The following CCDC85A variants were observed in gnomAD, a reference collection of about 807,000 sequenced individuals.
CCDC85A encodes the protein coiled-coil domain containing 85A.
Under a neutral mutation model 50.2 loss-of-function variants are expected in CCDC85A, and 38 were observed. The observed-to-expected ratio is 0.76, with a 90% confidence interval of 0.58 to 0.99. The LOEUF (loss-of-function observed/expected upper bound fraction) is 0.99. CCDC85A is among the 50% of genes least tolerant of loss of function. CCDC85A has a pLI of 0.00. For missense variants in CCDC85A, 820 were observed against 742.0 expected (o/e 1.11, Z -1.22); for synonymous variants, 366 against 301.4 (o/e 1.21, Z -2.22).
At chr2:56,299,663 A>G (rs570803774) in intron 2 of CCDC85A, among the ~76,000 whole-genome samples, 9 of 152,196 alleles carry the variant, frequency 5.9e-5, no homozygotes, top group Admixed American at 4.6e-4. Context: ...GAATTACATT[A>G]GAAAGGGCTG....
At chr2:56,270,663 T>G (rs1194874573) in intron 2 of CCDC85A, among the ~76,000 whole-genome samples, 1 of 152,244 alleles carries the variant, frequency 6.6e-6, no homozygotes, top group Non-Finnish European at 1.5e-5. Context: ...TTTTTTAACT[T>G]TATTTTTAAG....
intron 2 of CCDC85A, among the ~76,000 whole-genome samples, chr2:56,256,823 G>A (rs1036969760): frequency 5.3e-5 from 8 of 152,184 alleles, no homozygotes; most frequent in African/African-American, 7.2e-5. Context: ...CTGCAGACTC[G>A]TCTGAAAAGA....
chr2:56,259,623 C>G (rs541348355), intron 2 of CCDC85A, among the ~76,000 whole-genome samples: 57 of 152,288 alleles, frequency 3.7e-4, no homozygotes, highest in African/African-American at 1.3e-3. Flanking sequence ...TTAACTTCAG[C>G]TAGTGTTTCT....
intron 3 of CCDC85A, among the ~76,000 whole-genome samples, chr2:56,369,196 A>G (rs932858730): frequency 1.3e-5 from 2 of 152,150 alleles, no homozygotes; most frequent in African/African-American, 4.8e-5. Context: ...AAAAAGTTAA[A>G]TGGTCTATTT....
chr2:56,237,864 A>C (rs1037963810), intron 2 of CCDC85A, among the ~76,000 whole-genome samples: 1 of 152,120 alleles, frequency 6.6e-6, no homozygotes, highest in African/African-American at 2.4e-5. Context: ...GAATGGTCTA[A>C]TAGGGATTGG....
At chr2:56,188,443 C>T (rs1352199775) in intron 1 of CCDC85A, among the ~76,000 whole-genome samples, 8 of 152,082 alleles carry the variant, frequency 5.3e-5, no homozygotes, top group East Asian at 1.9e-4. Flanking sequence ...TCCGTGAAGC[C>T]GAGGGTAGCA....
chr2:56,374,239 G>T (rs531584420), intron 4 of CCDC85A, among the ~76,000 whole-genome samples: 1 of 152,230 alleles, frequency 6.6e-6, no homozygotes. Context: ...GTGAGGCTGG[G>T]TGCAGGACCT....
chr2:56,190,831 T>C (rs553743484), intron 1 of CCDC85A, among the ~76,000 whole-genome samples: 1 of 152,256 alleles, frequency 6.6e-6, no homozygotes, highest in East Asian at 1.9e-4. Flanking sequence ...CCTCCCTTCT[T>C]TCCTCCCCTA....
intron 2 of CCDC85A, among the ~76,000 whole-genome samples, chr2:56,299,856 A>G (rs773634824): frequency 6.6e-6 from 1 of 152,164 alleles, no homozygotes; most frequent in Non-Finnish European, 1.5e-5. Flanking sequence ...TCTTTTTACA[A>G]CTGTATGAAA....
chr2:56,251,626 C>T (rs1337963369), intron 2 of CCDC85A, among the ~76,000 whole-genome samples: 2 of 152,108 alleles, frequency 1.3e-5, no homozygotes, highest in Admixed American at 1.3e-4. Context: ...GTCTCAGTGG[C>T]AGCTCCTTTC....
At chr2:56,358,678 A>T (rs900198530) in intron 3 of CCDC85A, among the ~76,000 whole-genome samples, 1 of 152,204 alleles carries the variant, frequency 6.6e-6, no homozygotes, top group Non-Finnish European at 1.5e-5. Context: ...TACAAAATAG[A>T]CAGTGGCCTG....
At chr2:56,291,409 A>C (rs544854041) in intron 2 of CCDC85A, among the ~76,000 whole-genome samples, 1 of 152,344 alleles carries the variant, frequency 6.6e-6, no homozygotes, top group East Asian at 1.9e-4. Flanking sequence ...TTAGTTAGTG[A>C]AAAGAGCTGG....
At chr2:56,219,924 A>G (rs1668247573) in intron 2 of CCDC85A, among the ~76,000 whole-genome samples, 1 of 152,004 alleles carries the variant, frequency 6.6e-6, no homozygotes, top group Non-Finnish European at 1.5e-5. Flanking sequence ...AACAATGACA[A>G]TACAATGTGG....
chr2:56,378,498 G>A (rs932182790), intron 5 of CCDC85A, among the ~76,000 whole-genome samples: 3 of 152,164 alleles, frequency 2.0e-5, no homozygotes, highest in African/African-American at 4.8e-5. Flanking sequence ...CAAGGAAGGA[G>A]CTCTTTATGT....
intron 2 of CCDC85A, among the ~76,000 whole-genome samples, chr2:56,252,269 A>T (rs1573104431): frequency 6.6e-6 from 1 of 152,002 alleles, no homozygotes; most frequent in Admixed American, 6.6e-5. Flanking sequence ...GCTGGTATCG[A>T]ATACCTGACC....
At chr2:56,320,338 A>C (rs547570503) in intron 2 of CCDC85A, among the ~76,000 whole-genome samples, 7 of 152,310 alleles carry the variant, frequency 4.6e-5, no homozygotes, top group Admixed American at 4.6e-4. Context: ...CAAAAAAATC[A>C]ATGAATCCAG....
At chr2:56,201,022 A>G (rs1676711549) in intron 2 of CCDC85A, among the ~76,000 whole-genome samples, 1 of 151,606 alleles carries the variant, frequency 6.6e-6, no homozygotes, top group African/African-American at 2.4e-5. Context: ...ATCTAAGGGA[A>G]AAAGAGTGGA....
At chr2:56,275,784 A>G (rs950675783) in intron 2 of CCDC85A, among the ~76,000 whole-genome samples, 5 of 152,178 alleles carry the variant, frequency 3.3e-5, no homozygotes, top group African/African-American at 7.2e-5. Flanking sequence ...TTGATCTGTG[A>G]TAAGTTAGAG....
chr2:56,244,217 T>A (rs376779387), intron 2 of CCDC85A, among the ~76,000 whole-genome samples: 1 of 151,854 alleles, frequency 6.6e-6, no homozygotes, highest in Non-Finnish European at 1.5e-5. Flanking sequence ...GGGCCTGGAG[T>A]TGGAAACCAT....
Sources: allele counts gnomAD v4.1 joint callset (sites outside exome capture counted in the v4.1 genomes callset), GRCh38; gene constraint gnomAD v4.1.1; transcripts MANE v1.5; gene names NCBI Gene and HGNC (gene_info 2026-07-23, HGNC 2026-07-21).